Variants in MARCHF1 observed in about 807,000 individuals in gnomAD.
MARCHF1 encodes membrane associated ring-CH-type finger 1.
In MARCHF1, 40 loss-of-function variants were observed where a neutral mutation model predicts 54.2. The ratio of observed to expected loss-of-function variants is 0.74; its 90% confidence interval spans 0.57 to 0.96. The LOEUF (loss-of-function observed/expected upper bound fraction) is 0.96, where lower values mean the gene tolerates loss of function less well. Among genes scored for constraint, MARCHF1 ranks in the 40% least tolerant of loss-of-function variants. The probability of loss-of-function intolerance (pLI) is 0.00; values close to 1 mark genes in which losing one functional copy is unlikely to be tolerated. For missense variants in MARCHF1, 586 were observed against 656.5 expected (o/e 0.89, Z 1.17); for synonymous variants, 236 against 236.3 (o/e 1.00, Z 0.01).
chr4:163,804,151 A>G (rs990649896), intron 4 of MARCHF1, among the ~76,000 whole-genome samples: 17 of 152,238 alleles, frequency 1.1e-4, no homozygotes, highest in Non-Finnish European at 2.5e-4. Context: ...ACTCATAGAC[A>G]TCTTCACTTG....
At chr4:163,561,822 T>C (rs1739477466) in intron 8 of MARCHF1, among the ~76,000 whole-genome samples, 1 of 152,210 alleles carries the variant, frequency 6.6e-6, no homozygotes, top group Non-Finnish European at 1.5e-5. Flanking sequence ...GTTTCAGAAC[T>C]CTTTTATGTT....
At chr4:163,954,746 G>A (rs1256427933) in intron 3 of MARCHF1, among the ~76,000 whole-genome samples, 2 of 152,052 alleles carry the variant, frequency 1.3e-5, no homozygotes, top group Admixed American at 6.5e-5. Context: ...TTGCTCCCTG[G>A]TGATGCTGAC....
intron 1 of MARCHF1, among the ~76,000 whole-genome samples, chr4:164,144,116 G>A (rs1011468057): frequency 6.6e-6 from 1 of 152,048 alleles, no homozygotes; most frequent in African/African-American, 2.4e-5. Context: ...AACAAGAAGA[G>A]CTAACTATCC....
chr4:164,344,556 T>C (rs1730022852), intron 1 of MARCHF1, among the ~76,000 whole-genome samples: 1 of 152,116 alleles, frequency 6.6e-6, no homozygotes, highest in South Asian at 2.1e-4. Flanking sequence ...GATTTTTTTG[T>C]ATATTTAATT....
At chr4:164,045,011 G>T (rs897309655) in intron 2 of MARCHF1, among the ~76,000 whole-genome samples, 2 of 151,950 alleles carry the variant, frequency 1.3e-5, no homozygotes, top group Non-Finnish European at 2.9e-5. Context: ...AAGAGTTTTG[G>T]TGACAATGAA....
chr4:163,970,198 G>A (rs1163236051), intron 3 of MARCHF1, among the ~76,000 whole-genome samples: 1 of 152,112 alleles, frequency 6.6e-6, no homozygotes, highest in East Asian at 1.9e-4. Context: ...TTTATTTAGA[G>A]GTAGTCAACT....
chr4:164,233,971 C>A (rs1271722184), intron 1 of MARCHF1, among the ~76,000 whole-genome samples: 2 of 152,070 alleles, frequency 1.3e-5, no homozygotes, highest in African/African-American at 4.8e-5. Context: ...TGAGTATTAT[C>A]AATTAAAGTT....
intron 7 of MARCHF1, among the ~76,000 whole-genome samples, chr4:163,598,477 A>C (rs1342095389): frequency 6.6e-6 from 1 of 152,214 alleles, no homozygotes; most frequent in African/African-American, 2.4e-5. Flanking sequence ...CACAAGCCTG[A>C]TGGTGTAGCC....
chr4:163,555,716 GT>G (rs1223646024), intron 8 of MARCHF1: 7 of 252,192 alleles, frequency 2.8e-5, no homozygotes, highest in South Asian at 1.6e-4. Flanking sequence ...GAATAATTGG[GT>G]TACATTTCAC....
Position 163,776,419 on chromosome 4 carries a change from T to C in MARCHF1, c.112-75556A>G, listed in dbSNP as rs116608571. On this transcript the variant is annotated intron_variant, in intron 4 of 9. Transcript: ENST00000514618. The stretch of plus-strand genomic sequence containing the variant: ...ATACATATATCATTTAATTTGTTGT[T>C]GTTTAGATAATTAAAATTTACCAGA... Among the ~76,000 whole-genome samples the C allele has an allele frequency of 7.5e-3, 1,142 of 151,752 alleles. 15 individuals carry two copies. Among genetic ancestry groups the C allele is most frequent in the African/African-American group, 0.026 (1,085 of 41,480 alleles).
At chr4:163,709,541 G>A (rs1364443135) in intron 4 of MARCHF1, among the ~76,000 whole-genome samples, 2 of 152,176 alleles carry the variant, frequency 1.3e-5, no homozygotes, top group Admixed American at 6.5e-5. Context: ...TCAACAGAGT[G>A]TATATCATAA....
At chr4:164,113,959 T>A (rs17579154) in intron 1 of MARCHF1, among the ~76,000 whole-genome samples, 31,442 of 151,842 alleles carry the variant, frequency 0.21, 4,217 homozygotes, top group Non-Finnish European at 0.3. Flanking sequence ...TGCATATTTA[T>A]TAAAGCAAAC....
chr4:164,343,465 T>C (rs1324846844), intron 1 of MARCHF1, among the ~76,000 whole-genome samples: 1 of 152,096 alleles, frequency 6.6e-6, no homozygotes, highest in Non-Finnish European at 1.5e-5. Flanking sequence ...AAACTATGCA[T>C]TCAACAAAGG....
At chr4:164,152,620 T>A (rs1729971530) in intron 1 of MARCHF1, among the ~76,000 whole-genome samples, 1 of 152,188 alleles carries the variant, frequency 6.6e-6, no homozygotes, top group Non-Finnish European at 1.5e-5. Context: ...CCCTTCCCCC[T>A]TTGTTTTCCT....
chr4:163,873,044 AAAAAAAAAACAAACAAACAAAC>A (rs1175004779), intron 3 of MARCHF1, among the ~76,000 whole-genome samples: 1 of 108,830 alleles, frequency 9.2e-6, no homozygotes, highest in Non-Finnish European at 1.9e-5. Flanking sequence ...ACTCCGTCTC[AAAAAAAAAACAAACAAACAAAC>A]AAAAAAAAAC....
At chr4:164,228,455 A>G (rs1337457193) in intron 1 of MARCHF1, among the ~76,000 whole-genome samples, 2 of 152,296 alleles carry the variant, frequency 1.3e-5, no homozygotes, top group Middle Eastern at 6.8e-3. Context: ...AGTTCTTTAT[A>G]GTAGTTAATC....
At chr4:164,055,845 T>C (rs1754478415) in intron 2 of MARCHF1, among the ~76,000 whole-genome samples, 1 of 152,212 alleles carries the variant, frequency 6.6e-6, no homozygotes. Flanking sequence ...AAAAAGTACC[T>C]GAGATCTTGA....
chr4:163,977,855 T>C (rs979244948), intron 3 of MARCHF1, among the ~76,000 whole-genome samples: 1 of 152,200 alleles, frequency 6.6e-6, no homozygotes, highest in Non-Finnish European at 1.5e-5. Context: ...CATTCATTAT[T>C]ATTAATTATT....
intron 9 of MARCHF1, among the ~76,000 whole-genome samples, chr4:163,544,853 G>A (rs373178011): frequency 2.0e-5 from 3 of 152,070 alleles, no homozygotes; most frequent in Non-Finnish European, 4.4e-5. Context: ...TGTTTCCTGC[G>A]GGAGTGTGGG....
Sources: gnomAD v4.1 joint callset for allele counts (sites outside exome capture counted in the v4.1 genomes callset) on GRCh38, gnomAD v4.1.1 for gene constraint, MANE v1.5 for transcripts, NCBI Gene and HGNC (gene_info 2026-07-23, HGNC 2026-07-21) for gene names.